The following CSMD1 variants were observed in gnomAD, a reference collection of about 807,000 sequenced individuals.
The protein encoded by CSMD1 is CUB and Sushi multiple domains 1.
Under a neutral mutation model 417.5 loss-of-function variants are expected in CSMD1, and 213 were observed. The observed-to-expected ratio is 0.51, with a 90% confidence interval of 0.46 to 0.57. CSMD1 has a LOEUF of 0.57. Among genes scored for constraint, CSMD1 ranks in the 20% least tolerant of loss-of-function variants. The probability of loss-of-function intolerance (pLI) is 0.00; values close to 1 mark genes in which losing one functional copy is unlikely to be tolerated. For missense variants in CSMD1, 6,923 were observed against 4,529.7 expected (o/e 1.53, Z -15.17); for synonymous variants, 2,862 against 1,736.8 (o/e 1.65, Z -16.11).
chr8:3,287,901 C>T (rs951956129), intron 25 of CSMD1, among the ~76,000 whole-genome samples: 2 of 144,136 alleles, frequency 1.4e-5, no homozygotes, highest in African/African-American at 5.5e-5. Flanking sequence ...GGGAATGCTT[C>T]CAGTTTTTGC....
intron 5 of CSMD1, among the ~76,000 whole-genome samples, chr8:3,914,545 G>T (rs370880701): frequency 6.6e-6 from 1 of 152,228 alleles, no homozygotes; most frequent in East Asian, 1.9e-4. Flanking sequence ...AGTATCAATA[G>T]TTTCCACTGT....
intron 10 of CSMD1, among the ~76,000 whole-genome samples, chr8:3,503,402 T>C (rs963726531): frequency 2.6e-5 from 4 of 152,194 alleles, no homozygotes; most frequent in African/African-American, 9.6e-5. Context: ...AAGCTGCTAG[T>C]GATTCAGGGT....
intron 2 of CSMD1, among the ~76,000 whole-genome samples, chr8:4,502,845 G>C (rs1028090033): frequency 2.6e-5 from 4 of 151,956 alleles, no homozygotes; most frequent in South Asian, 2.1e-4. Flanking sequence ...GCCCATAGTA[G>C]GTACTCAGTT....
chr8:3,488,291 A>G (rs1421630245), intron 11 of CSMD1, among the ~76,000 whole-genome samples: 2 of 151,852 alleles, frequency 1.3e-5, no homozygotes, highest in African/African-American at 2.4e-5. Context: ...GTTTTTTTGT[A>G]GAGACGGAGT....
At chr8:3,901,314 C>G (rs1007537563) in intron 5 of CSMD1, among the ~76,000 whole-genome samples, 3 of 152,160 alleles carry the variant, frequency 2.0e-5, no homozygotes, top group Admixed American at 6.5e-5. Context: ...CAGTGACACT[C>G]TTGCTAGCTT....
chr8:4,118,938 G>A (rs1335569792), intron 3 of CSMD1, among the ~76,000 whole-genome samples: 1 of 152,116 alleles, frequency 6.6e-6, no homozygotes, highest in Non-Finnish European at 1.5e-5. Context: ...CATTTCCTTT[G>A]GGGGGACATG....
chr8:4,145,790 G>C (rs1010423205), intron 3 of CSMD1, among the ~76,000 whole-genome samples: 1 of 151,102 alleles, frequency 6.6e-6, no homozygotes, highest in Non-Finnish European at 1.5e-5. Flanking sequence ...GCACCATGAA[G>C]AGTTTTTCTG....
At chr8:4,190,789 T>C (rs924405116) in intron 3 of CSMD1, among the ~76,000 whole-genome samples, 3 of 152,146 alleles carry the variant, frequency 2.0e-5, no homozygotes, top group African/African-American at 7.2e-5. Context: ...TGAGAGCATG[T>C]CCTCTGCAGG....
At chr8:4,521,257 G>C (rs1803428754) in intron 2 of CSMD1, among the ~76,000 whole-genome samples, 2 of 152,162 alleles carry the variant, frequency 1.3e-5, no homozygotes, top group East Asian at 1.9e-4. Context: ...TAGTGTCATG[G>C]GGTCAAGACA....
intron 1 of CSMD1, among the ~76,000 whole-genome samples, chr8:4,832,356 C>A (rs1800204826): frequency 6.6e-6 from 1 of 152,130 alleles, no homozygotes. Context: ...TGGTATGCTA[C>A]AGTGGCAATG....
At position 3,341,869 on chromosome 8, in the gene CSMD1, T is replaced by A. The variant is rs188261190; in HGVS notation, c.3631+1425A>T. Reference sequence around the variant, plus strand: ...GGGCAAGGAAGCGGGGATGAAGACATCCAAGTAAGAAAACAAAATACATTG... The same window carrying A: ...GGGCAAGGAAGCGGGGATGAAGACAACCAAGTAAGAAAACAAAATACATTG... On this transcript the variant is annotated intron_variant, in intron 23 of 69. Transcript: ENST00000635120. Among the ~76,000 whole-genome samples the A allele has an allele frequency of 1.1e-4, 16 of 152,064 alleles. No individual in the cohort carries two copies. The East Asian group carries it at 3.1e-3, about 30-fold the overall frequency.
chr8:4,925,547 T>TC (rs368093497), intron 1 of CSMD1, among the ~76,000 whole-genome samples: 3 of 150,260 alleles, frequency 2.0e-5, no homozygotes, highest in East Asian at 2.0e-4. Context: ...CTTTTTTTTT[T>TC]CTTTTTTCTT....
chr8:4,147,410 T>G (rs1351154969), intron 3 of CSMD1, among the ~76,000 whole-genome samples: 1 of 152,084 alleles, frequency 6.6e-6, no homozygotes. Flanking sequence ...CATGCTGCCC[T>G]GTCTAGAATG....
chr8:3,433,254 A>C lies in CSMD1; in HGVS notation c.1562-23649T>G, dbSNP rs190691734. Reference sequence around the variant, plus strand: ...GATGTAGTTACTTTTCTGTTTCTTCAAAATTCTTCTAACTTATCTCCAGGT... The same window carrying C: ...GATGTAGTTACTTTTCTGTTTCTTCCAAATTCTTCTAACTTATCTCCAGGT... On this transcript the variant is annotated intron_variant, in intron 12 of 69. Coordinates refer to ENST00000635120, the MANE Select transcript of CSMD1 (RefSeq NM_033225.6). Among the ~76,000 whole-genome samples the C allele has an allele frequency of 6.4e-4, 97 of 152,288 alleles. 1 individual carries two copies. The East Asian group carries it at 0.017, about 26-fold the overall frequency.
At chr8:3,555,256 G>A (rs113027931) in intron 10 of CSMD1, among the ~76,000 whole-genome samples, 230 of 152,194 alleles carry the variant, frequency 1.5e-3, no homozygotes, top group Non-Finnish European at 2.6e-3. Context: ...CATTTAGCTA[G>A]GAGTCATGAA....
At chr8:4,249,760 G>C (rs1392896061) in intron 3 of CSMD1, among the ~76,000 whole-genome samples, 2 of 150,556 alleles carry the variant, frequency 1.3e-5, no homozygotes, top group Non-Finnish European at 2.9e-5. Flanking sequence ...TCTATTAATG[G>C]GGGAATTAAT....
intron 3 of CSMD1, among the ~76,000 whole-genome samples, chr8:4,052,837 T>C (rs1798502506): frequency 1.3e-5 from 2 of 152,062 alleles, no homozygotes; most frequent in South Asian, 4.2e-4. Context: ...AGGGCCTAGG[T>C]AAACCCCTCT....
intron 49 of CSMD1, among the ~76,000 whole-genome samples, chr8:3,056,105 T>C (rs1585241478): frequency 6.6e-6 from 1 of 152,246 alleles, no homozygotes; most frequent in African/African-American, 2.4e-5. Context: ...CAAATAAAAA[T>C]ATTAGTTGCA....
At chr8:3,680,930 AC>A (rs1799625956) in intron 7 of CSMD1, among the ~76,000 whole-genome samples, 1 of 152,218 alleles carries the variant, frequency 6.6e-6, no homozygotes, top group Non-Finnish European at 1.5e-5. Context: ...AGAACCAATG[AC>A]AAAAACCACA....
Sources: gnomAD v4.1 joint callset for allele counts (sites outside exome capture counted in the v4.1 genomes callset) on GRCh38, gnomAD v4.1.1 for gene constraint, MANE v1.5 for transcripts, NCBI Gene and HGNC (gene_info 2026-07-23, HGNC 2026-07-21) for gene names.